The following ZBTB46 variants were observed in gnomAD, a reference collection of about 807,000 sequenced individuals.
The protein encoded by ZBTB46 is zinc finger and BTB domain containing 46.
ZBTB46 carries 8 observed loss-of-function variants against 44.1 expected under a neutral mutation model. The ratio of observed to expected loss-of-function variants is 0.18; its 90% CI spans 0.11 to 0.33. The LOEUF (loss-of-function observed/expected upper bound fraction) is 0.33, where lower values mean the gene tolerates loss of function less well. ZBTB46 is among the 10% of genes least tolerant of loss of function. The probability of loss-of-function intolerance (pLI) is 1.00; values close to 1 mark genes in which losing one functional copy is unlikely to be tolerated. For synonymous variants in ZBTB46, 409 were observed against 382.3 expected (o/e 1.07, Z -0.81); for missense variants, 651 against 847.7 (o/e 0.77, Z 2.88).
At chr20:63,830,028 T>C (rs906747292) in intron 1 of ZBTB46, among the ~76,000 whole-genome samples, 2 of 152,230 alleles carry the variant, frequency 1.3e-5, no homozygotes, top group African/African-American at 2.4e-5. Context: ...CCACTCCAAA[T>C]GCATCGTTGA....
At chr20:63,820,097 C>CT (rs199787013) in intron 1 of ZBTB46, among the ~76,000 whole-genome samples, 5 of 149,660 alleles carry the variant, frequency 3.3e-5, no homozygotes, top group African/African-American at 4.9e-5. Context: ...AACAGGCACA[C>CT]TTTTTTTTTT....
rs2145734594 is a variant in ZBTB46 at position 63,745,690 on chromosome 20, A to C, written c.*1240T>G. On this transcript the variant is annotated 3_prime_UTR_variant, in exon 5 of 5. Transcript: ENST00000245663. ...ATGTCCTCATGGTGAGTGCTGTCAG[A>C]GGCAGGCCTGAACGAGAAGACAGGC... is the stretch of plus-strand genomic sequence containing the variant. 1 of 152,420 alleles carries C rather than the reference A, an allele frequency of 6.6e-6. No individual in the cohort carries two copies. Among genetic ancestry groups the C allele is most frequent in the African/African-American group, 2.4e-5 (1 of 41,576 alleles). The allele number at this position is 152,420 out of a possible 1,614,324, so 9.4% of individuals were successfully genotyped here. A position where few individuals can be genotyped will look rare whatever the true frequency, so the allele number is the denominator to read the frequency against.
chr20:63,813,507 T>C (rs73325306), intron 1 of ZBTB46, among the ~76,000 whole-genome samples: 2,312 of 152,106 alleles, frequency 0.015, 60 homozygotes, highest in African/African-American at 0.053. Flanking sequence ...AATGTAAGCA[T>C]TGTGGCTACA....
At chr20:63,774,486 C>T (rs1055840294) in intron 3 of ZBTB46, among the ~76,000 whole-genome samples, 1 of 152,166 alleles carries the variant, frequency 6.6e-6, no homozygotes, top group African/African-American at 2.4e-5. Flanking sequence ...CCACTCAGCA[C>T]GCCTGGACCC....
At chr20:63,794,796 A>C (rs67415541) in intron 1 of ZBTB46, among the ~76,000 whole-genome samples, 12,466 of 152,166 alleles carry the variant, frequency 0.082, 940 homozygotes, top group East Asian at 0.43. Flanking sequence ...GAGGAGCACA[A>C]GATCTAACGG....
rs1351902780 is a variant in ZBTB46, at chr20:63,746,993, TTCC to T, written c.1704_1706del (p.Glu569del). 1.9e-6 allele frequency: 3 copies of T among 1,607,418 alleles called. No homozygotes were observed. The highest frequency in any genetic ancestry group is 2.5e-6 in the Non-Finnish European group (3 of 1,179,352). ...GGGGGCTGCGCGGCCGCGGCGAGTC[TTCC>T]TCATCCTTGTCGTCCGCCAACAGCG... is the stretch of plus-strand genomic sequence containing the variant. On this transcript the variant is annotated inframe_deletion, in exon 5 of 5. Transcript: ENST00000245663.
At chr20:63,823,357 G>C (rs1031575329) in intron 1 of ZBTB46, among the ~76,000 whole-genome samples, 2 of 151,772 alleles carry the variant, frequency 1.3e-5, no homozygotes, top group Non-Finnish European at 2.9e-5. Flanking sequence ...AATTAGCAGG[G>C]TGTGGTGGCA....
intron 1 of ZBTB46, among the ~76,000 whole-genome samples, chr20:63,804,510 C>T (rs529161788): frequency 2.6e-5 from 4 of 152,232 alleles, no homozygotes; most frequent in Admixed American, 1.3e-4. Context: ...CATGCCACCT[C>T]GCTGCCTGAC....
chr20:63,752,710 G>A lies in ZBTB46; in HGVS notation c.1374C>T (p.Arg458=). The change falls in exon 4 of 5, where the codon CGC becomes CGT. Residue 458 remains arginine (R), a synonymous_variant. Coordinates refer to ENST00000245663, the MANE Select transcript of ZBTB46 (RefSeq NM_001369741.1). The surrounding 1 kb of genome is among the most constrained non-coding windows in gnomAD (Gnocchi z 5.6). The part of the protein sequence containing the change: ...CEICGKKFTR[R]EHMKRHTLVH... ...CCAGCGTGTGGCGCTTCATGTGCTCGCGCCGCGTGAACTTCTTCCCGCAGA... is the reference window on the plus strand; with the variant it reads ...CCAGCGTGTGGCGCTTCATGTGCTCACGCCGCGTGAACTTCTTCCCGCAGA... The A allele has an allele frequency of 6.2e-7, 1 of 1,600,376 alleles. No individual in the cohort carries two copies. Among genetic ancestry groups the A allele is most frequent in the Non-Finnish European group, 8.5e-7 (1 of 1,173,692 alleles).
intron 1 of ZBTB46, among the ~76,000 whole-genome samples, chr20:63,819,000 C>T (rs1280642344): frequency 1.3e-5 from 2 of 151,834 alleles, no homozygotes; most frequent in Non-Finnish European, 2.9e-5. Context: ...GGTGAAACCC[C>T]GTTTCTACTA....
chr20:63,777,076 G>A (rs1186846075), intron 2 of ZBTB46, among the ~76,000 whole-genome samples: 1 of 33,798 alleles, frequency 3.0e-5, no homozygotes, highest in Non-Finnish European at 7.5e-5. Flanking sequence ...CACACGCCAC[G>A]GTTCCACCAC....
At chr20:63,783,427 C>CAAAACA (rs1193550394) in intron 2 of ZBTB46, among the ~76,000 whole-genome samples, 1 of 152,048 alleles carries the variant, frequency 6.6e-6, no homozygotes, top group African/African-American at 2.4e-5. Context: ...GACTCCGTCT[C>CAAAACA]AAAACAAAAA....
intron 4 of ZBTB46, among the ~76,000 whole-genome samples, chr20:63,751,369 C>A (rs1050817671): frequency 3.9e-5 from 6 of 152,176 alleles, no homozygotes; most frequent in Non-Finnish European, 5.9e-5. Flanking sequence ...CAGGGAAGGC[C>A]AGAGCCCAGC....
At chr20:63,761,159 C>T (rs921532212) in intron 3 of ZBTB46, among the ~76,000 whole-genome samples, 2 of 149,614 alleles carry the variant, frequency 1.3e-5, no homozygotes, top group African/African-American at 4.9e-5. Flanking sequence ...CCACCATACC[C>T]GGCTAATTTT....
At chr20:63,798,931 T>C (rs868026030) in intron 1 of ZBTB46, among the ~76,000 whole-genome samples, 2 of 151,950 alleles carry the variant, frequency 1.3e-5, no homozygotes, top group South Asian at 2.1e-4. Context: ...AAACTGCCAG[T>C]GGCCAGGAGG....
chr20:63,773,350 G>A (rs148722006), intron 3 of ZBTB46, among the ~76,000 whole-genome samples: 39 of 150,558 alleles, frequency 2.6e-4, no homozygotes, highest in Admixed American at 2.3e-3. Flanking sequence ...CACCTCAGCC[G>A]CCTGAGTAGC....
intron 1 of ZBTB46, among the ~76,000 whole-genome samples, chr20:63,791,274 GCA>G: frequency 6.6e-6 from 1 of 152,032 alleles, no homozygotes. Flanking sequence ...GGAGGGTGGA[GCA>G]CAAGGTCAGG....
intron 3 of ZBTB46, among the ~76,000 whole-genome samples, chr20:63,774,195 A>C (rs2092401308): frequency 6.6e-6 from 1 of 151,932 alleles, no homozygotes; most frequent in African/African-American, 2.4e-5. Flanking sequence ...CCTTCGACGG[A>C]CACGGCTCCT....
In ZBTB46 at chr20:63,812,987, A is replaced by G. The variant is rs1302844434; in HGVS notation, c.-34+18110T>C. Among the ~76,000 whole-genome samples the G allele has an allele frequency of 2.0e-5, 3 of 152,122 alleles. No homozygotes were observed. The East Asian group carries it at 5.8e-4, about 29-fold the overall frequency. ...ATGGCGCGTGCCTGTAGTCCCAGCTACTTGGAAGGCTGAGGCAGCAGAATT... is the reference window on the plus strand; with the variant it reads ...ATGGCGCGTGCCTGTAGTCCCAGCTGCTTGGAAGGCTGAGGCAGCAGAATT... On this transcript the variant is annotated intron_variant, in intron 1 of 4. Coordinates refer to ENST00000245663, the MANE Select transcript of ZBTB46 (RefSeq NM_001369741.1).
Sources: gnomAD v4.1 joint callset for allele counts (sites outside exome capture counted in the v4.1 genomes callset) on GRCh38, gnomAD v4.1.1 for gene constraint, Gnocchi (gnomAD v3.1) non-coding constraint, MANE v1.5 for transcripts, NCBI Gene and HGNC (gene_info 2026-07-23, HGNC 2026-07-21) for gene names.